Variants in DERL2 observed in about 807,000 individuals in gnomAD.
DERL2 encodes the protein derlin-2.
In DERL2, 13 loss-of-function variants were observed where a neutral mutation model predicts 32.0. That is an observed-to-expected ratio of 0.41 (90% CI 0.26 to 0.65). The LOEUF (loss-of-function observed/expected upper bound fraction) is 0.65. DERL2 is among the 30% of genes least tolerant of loss of function. The pLI is 0.35. For missense variants in DERL2, 208 were observed against 296.3 expected, an observed-to-expected ratio of 0.70 and a Z score of 2.19; for synonymous variants, 111 against 104.7, an observed-to-expected ratio of 1.06 and a Z score of -0.37.
intron 2 of DERL2, among the ~76,000 whole-genome samples, chr17:5,483,574 G>A (rs1158468088): frequency 1.3e-5 from 2 of 152,096 alleles, no homozygotes; most frequent in East Asian, 1.9e-4. Context: ...AGTGCTTAAC[G>A]TTTTAAAATG....
At chr17:5,479,981 C>A in intron 6 of DERL2, 73 bp downstream of exon 6, 1 of 928,096 alleles carries the variant, frequency 1.1e-6, no homozygotes, top group Non-Finnish European at 1.7e-6. Flanking sequence ...GCTAGGGGAG[C>A]CAAAGAAAAC....
chr17:5,486,169 A>G lies in DERL2; in HGVS notation c.-8T>C. The G allele has an allele frequency of 1.3e-6, 2 of 1,579,162 alleles. No homozygotes were observed. The highest frequency in any genetic ancestry group is 1.7e-6 in the Non-Finnish European group (2 of 1,162,960). On this transcript the variant is annotated 5_prime_UTR_variant, in exon 1 of 7. Coordinates refer to ENST00000158771, the MANE Select transcript of DERL2 (RefSeq NM_016041.5). ...CAAGCTCTGGTACGCCATCTTCCCC[A>G]CCGTCGCCTGCCCCACCCCCCACCC...
Position 5,481,495 on chromosome 17 carries a change from C to T in DERL2, c.234-106G>A. 1.3e-6 allele frequency: 1 copy of T among 774,014 alleles called. No individual in the cohort carries two copies. Among genetic ancestry groups the T allele is most frequent in the Non-Finnish European group, 2.2e-6 (1 of 462,088 alleles). The allele number at this position is 774,014 out of a possible 1,614,324, so 47.9% of individuals were successfully genotyped here. A position where few individuals can be genotyped will look rare whatever the true frequency, so the allele number is the denominator to read the frequency against. On this transcript the variant is annotated intron_variant, in intron 3 of 6. Coordinates refer to ENST00000158771, the MANE Select transcript of DERL2 (RefSeq NM_016041.5). The surrounding 1 kb of genome is among the most constrained non-coding windows in gnomAD (Gnocchi z 4.4). ...GGATTCCATATTATTTGTAATTAGT[C>T]AAGTCTTCATTTGTATAAGAATGTT...
chr17:5,479,496 TAAAA>T (rs11306765), intron 6 of DERL2, among the ~76,000 whole-genome samples: 2,109 of 69,112 alleles, frequency 0.031, 7 homozygotes, highest in Non-Finnish European at 0.048. Flanking sequence ...AGACTCCATG[TAAAA>T]AAAAAAAAAA....
At chr17:5,480,866 A>G (rs1567612181) in intron 4 of DERL2, 3 of 457,128 alleles carry the variant, frequency 6.6e-6, no homozygotes, top group Non-Finnish European at 1.1e-5. Context: ...GTCAATAATT[A>G]TATTAAAGCT....
chr17:5,485,850 C>T, intron 1 of DERL2: 1 of 434,436 alleles, frequency 2.3e-6, no homozygotes, highest in Non-Finnish European at 4.1e-6. Context: ...GCGCTCATCT[C>T]TTAGAAACTG....
chr17:5,483,328 C>CT lies in DERL2; in HGVS notation c.160-447dup, dbSNP rs998472003. Among the ~76,000 whole-genome samples, 12 of 143,220 alleles carry CT rather than the reference C, an allele frequency of 8.4e-5. No individual in the cohort carries two copies. In the South Asian group the frequency reaches 1.3e-3, roughly 16 times the overall value. 94.0% of individuals were successfully genotyped at this position (143,220 alleles called of 152,430 possible). A position where few individuals can be genotyped will look rare whatever the true frequency, so the allele number is the denominator to read the frequency against. On this transcript the variant is annotated intron_variant, in intron 2 of 6. Coordinates refer to ENST00000158771, the MANE Select transcript of DERL2 (RefSeq NM_016041.5). ...GAAACATCTAAAAGAAAGGAAAATTCTTTTTTTTTAAACTAAAACTTAAAA... is the reference window on the plus strand; with the variant it reads ...GAAACATCTAAAAGAAAGGAAAATTCTTTTTTTTTTAAACTAAAACTTAAAA...
At chr17:5,485,351 G>C in intron 1 of DERL2, 135 bp from the exon 2 acceptor site, 1 of 563,860 alleles carries the variant, frequency 1.8e-6, no homozygotes, top group Non-Finnish European at 3.1e-6. Context: ...TTCTTCTTAG[G>C]CCAGAGGAAG....
intron 4 of DERL2, chr17:5,480,897 A>G (rs763816984): frequency 3.3e-5 from 16 of 483,354 alleles, no homozygotes; most frequent in Non-Finnish European, 5.7e-5. Context: ...TAGCACCTTT[A>G]CAGAGATGAA....
At chr17:5,476,760 G>GACAGAGCAAGAATCCGTTTCAAAAA (rs1905414076) in intron 6 of DERL2, among the ~76,000 whole-genome samples, 1 of 152,192 alleles carries the variant, frequency 6.6e-6, no homozygotes, top group African/African-American at 2.4e-5. Context: ...AAGCCTGGGT[G>GACAGAGCAAGAATCCGTTTCAAAAA]ACAGAGCAAG....
At position 5,472,450 on chromosome 17, in the gene DERL2, C is replaced by T. The variant is rs946388076; in HGVS notation, c.*2234G>A. On this transcript the variant is annotated 3_prime_UTR_variant, in exon 7 of 7. Transcript: ENST00000158771. ...AATGGTGGTTGTAGGGCTGGCCAAA[C>T]TGATGAGAGGTGATTGAAATTACCA... 2 of 152,196 alleles carry T rather than the reference C, an allele frequency of 1.3e-5. No individual in the cohort carries two copies. Among genetic ancestry groups the T allele is most frequent in the East Asian group, 1.9e-4 (1 of 5,196 alleles). The allele number at this position is 152,196 out of a possible 1,614,324, so 9.4% of individuals were successfully genotyped here.
At chr17:5,476,672 T>C (rs1905403198) in intron 6 of DERL2, among the ~76,000 whole-genome samples, 1 of 152,106 alleles carries the variant, frequency 6.6e-6, no homozygotes, top group Non-Finnish European at 1.5e-5. Flanking sequence ...TCCCAGCTAC[T>C]AGGGAGGCTG....
chr17:5,480,511 G>T lies in DERL2; in HGVS notation c.399C>A (p.Ser133Arg). The stretch of plus-strand genomic sequence containing the variant: ...TCATGCGGACATAGGGGTTCCTTCG[G>T]CTCCACACATAGACGAGCATTATTG... ...AFTIMLVYVWSRRNPYVRMNF... is the reference protein window; with the variant it reads ...AFTIMLVYVWRRRNPYVRMNF... Residue 133 changes from serine (S) to arginine (R), a missense_variant, in exon 5 of 7, where the codon AGC (serine) becomes AGA (arginine). Physicochemically the swap from Ser to Arg is moderately radical, Grantham distance 110. This residue lies in a region of DERL2 where 124 missense variants were observed against 215.3 expected (regional missense o/e 0.58). Coordinates refer to ENST00000158771, the MANE Select transcript of DERL2 (RefSeq NM_016041.5). 6.2e-7 allele frequency: 1 copy of T among 1,606,960 alleles called. No individual in the cohort carries two copies. The highest frequency in any genetic ancestry group is 8.5e-7 in the Non-Finnish European group (1 of 1,178,076).
chr17:5,477,064 TTAGG>T (rs1351536581), intron 6 of DERL2, among the ~76,000 whole-genome samples: 2 of 151,974 alleles, frequency 1.3e-5, no homozygotes, highest in Non-Finnish European at 2.9e-5. Flanking sequence ...TGAGGGGTAA[TTAGG>T]TAGGTAAAAC....
chr17:5,474,489 A>G lies in DERL2; in HGVS notation c.*195T>C, dbSNP rs1905266182. On this transcript the variant is annotated 3_prime_UTR_variant, in exon 7 of 7. Coordinates refer to ENST00000158771, the MANE Select transcript of DERL2 (RefSeq NM_016041.5). This position sits in a 1 kb window ranked among gnomAD's most constrained non-coding sequence, Gnocchi z 4.3. ...TCTAAGAAATTACACTTTCAGTACC[A>G]GTGTAGTGAGGAACCACTGGCAAAC... The G allele has an allele frequency of 8.3e-6, 4 of 483,990 alleles. No homozygotes were observed. Among genetic ancestry groups the G allele is most frequent in the Non-Finnish European group, 1.5e-5 (4 of 275,086 alleles). 30.0% of individuals were successfully genotyped at this position (483,990 alleles called of 1,614,324 possible).
rs1597373919 is a variant in DERL2 at position 5,481,897 on chromosome 17, T to C, written c.234-508A>G. The stretch of plus-strand genomic sequence containing the variant: ...ACTCCTGACCTCGTGATCCACTGCC[T>C]TGGCCTCCCCAAGTGCTGGGATTAC... On this transcript the variant is annotated intron_variant, in intron 3 of 6. Coordinates refer to ENST00000158771, the MANE Select transcript of DERL2 (RefSeq NM_016041.5). This position sits in a 1 kb window ranked among gnomAD's most constrained non-coding sequence, Gnocchi z 4.4. 6.6e-6 allele frequency among the ~76,000 whole-genome samples: 1 copy of C among 152,164 alleles called. No individual in the cohort carries two copies. The highest frequency in any genetic ancestry group is 1.9e-4 in the East Asian group (1 of 5,190).
chr17:5,482,055 C>T (rs760092318), intron 3 of DERL2, among the ~76,000 whole-genome samples: 11 of 152,168 alleles, frequency 7.2e-5, no homozygotes, highest in African/African-American at 1.2e-4. Context: ...GGAAGAAATC[C>T]GCAGCAAGAA....
Position 5,478,802 on chromosome 17 carries a change from C to T in DERL2, c.614+1252G>A, listed in dbSNP as rs72827605. Among the ~76,000 whole-genome samples, 1,376 of 152,262 alleles carry T rather than the reference C, an allele frequency of 9.0e-3. 16 individuals carry two copies. The highest frequency in any genetic ancestry group is 0.052 in the East Asian group (269 of 5,180). On this transcript the variant is annotated intron_variant, in intron 6 of 6. Transcript: ENST00000158771. ...TTCAGGGTGGAAAAAACAATTATGG[C>T]ATACTAAGTTTACAAGGTTACAAAA...
In DERL2 at chr17:5,474,507, T is replaced by C; in HGVS notation, c.*177A>G. 1.9e-6 allele frequency: 1 copy of C among 526,222 alleles called. No individual in the cohort carries two copies. The highest frequency in any genetic ancestry group is 3.3e-6 in the Non-Finnish European group (1 of 299,962). 32.6% of individuals were successfully genotyped at this position (526,222 alleles called of 1,614,324 possible). ...CAGTACCAGTGTAGTGAGGAACCACTGGCAAACTGTTGGAAATGTCTTCTG... is the reference window on the plus strand; with the variant it reads ...CAGTACCAGTGTAGTGAGGAACCACCGGCAAACTGTTGGAAATGTCTTCTG... On this transcript the variant is annotated 3_prime_UTR_variant, in exon 7 of 7. Coordinates refer to ENST00000158771, the MANE Select transcript of DERL2 (RefSeq NM_016041.5). This position sits in a 1 kb window ranked among gnomAD's most constrained non-coding sequence, Gnocchi z 4.3.
Sources: allele counts gnomAD v4.1 joint callset (sites outside exome capture counted in the v4.1 genomes callset), GRCh38; gene constraint gnomAD v4.1.1; regional missense constraint gnomAD v4.1.1; non-coding constraint Gnocchi (gnomAD v3.1); transcripts MANE v1.5; gene names NCBI Gene and HGNC (gene_info 2026-07-23, HGNC 2026-07-21).